FAM168A: variants seen among roughly 807,000 people sequenced by gnomAD.
The protein encoded by FAM168A is protein FAM168A.
In FAM168A, 3 loss-of-function variants were observed where a neutral mutation model predicts 28.5. That is an observed-to-expected ratio of 0.11 (90% CI 0.05 to 0.27). The LOEUF is 0.27. Among genes scored for constraint, FAM168A ranks in the 10% least tolerant of loss-of-function variants. FAM168A has a pLI of 1.00. For synonymous variants in FAM168A, 122 were observed against 124.2 expected, an observed-to-expected ratio of 0.98 and a Z score of 0.12; for missense variants, 222 against 311.5, an observed-to-expected ratio of 0.71 and a Z score of 2.16.
chr11:73,461,892 G>A (rs1867652785), intron 2 of FAM168A, among the ~76,000 whole-genome samples: 1 of 151,938 alleles, frequency 6.6e-6, no homozygotes, highest in Admixed American at 6.6e-5. Flanking sequence ...GGTAAAGGAG[G>A]TTTTTTAAAA....
chr11:73,422,601 A>C (rs1164720519), intron 3 of FAM168A, among the ~76,000 whole-genome samples: 4 of 152,242 alleles, frequency 2.6e-5, no homozygotes, highest in Admixed American at 2.0e-4. Flanking sequence ...ATGGTCACAG[A>C]GGAGGCTGCT....
chr11:73,519,796 G>A (rs79101123), intron 1 of FAM168A, among the ~76,000 whole-genome samples: 5,903 of 151,440 alleles, frequency 0.039, 398 homozygotes, highest in African/African-American at 0.14. Flanking sequence ...GTGTGTGTGC[G>A]TGTGCGTTTG....
At chr11:73,476,995 T>C (rs1026658609) in intron 1 of FAM168A, among the ~76,000 whole-genome samples, 1 of 151,120 alleles carries the variant, frequency 6.6e-6, no homozygotes, top group African/African-American at 2.4e-5. Flanking sequence ...GAAAGAAAAT[T>C]AGGTGGGAAA....
chr11:73,527,298 A>C (rs1438219708), intron 1 of FAM168A, among the ~76,000 whole-genome samples: 1 of 152,160 alleles, frequency 6.6e-6, no homozygotes, highest in African/African-American at 2.4e-5. Context: ...ACTGCCCCTA[A>C]AGGAAATGAC....
intron 2 of FAM168A, among the ~76,000 whole-genome samples, chr11:73,465,388 T>C (rs561921090): frequency 2.0e-5 from 3 of 151,998 alleles, no homozygotes; most frequent in Non-Finnish European, 2.9e-5. Context: ...GAAAAAGAAA[T>C]GCCCTGGTCT....
chr11:73,493,098 C>T (rs1187953766), intron 1 of FAM168A, among the ~76,000 whole-genome samples: 1 of 151,944 alleles, frequency 6.6e-6, no homozygotes, highest in Non-Finnish European at 1.5e-5. Flanking sequence ...CAGGATCATT[C>T]ATACACCAAA....
At chr11:73,459,080 T>TTTTG (rs1424772627) in intron 2 of FAM168A, among the ~76,000 whole-genome samples, 1 of 151,996 alleles carries the variant, frequency 6.6e-6, no homozygotes, top group African/African-American at 2.4e-5. Context: ...TCAAACTTTG[T>TTTTG]TTTTGTTTTG....
chr11:73,463,736 G>C (rs1335043275), intron 2 of FAM168A, among the ~76,000 whole-genome samples: 2 of 152,088 alleles, frequency 1.3e-5, no homozygotes, highest in Non-Finnish European at 1.5e-5. Flanking sequence ...AAACAATTAT[G>C]GTCAATGAAA....
At chr11:73,510,947 G>GT (rs1408946342) in intron 1 of FAM168A, 1 of 230,720 alleles carries the variant, frequency 4.3e-6, no homozygotes, top group African/African-American at 2.3e-5. Flanking sequence ...GAATGCATCT[G>GT]TTGCTAGGAG....
chr11:73,502,544 C>G (rs936106777), intron 1 of FAM168A, among the ~76,000 whole-genome samples: 1 of 152,138 alleles, frequency 6.6e-6, no homozygotes, highest in East Asian at 1.9e-4. Context: ...CACGGATTTA[C>G]AGCCGAATTC....
chr11:73,560,651 A>G (rs577322320), intron 1 of FAM168A, among the ~76,000 whole-genome samples: 3 of 152,252 alleles, frequency 2.0e-5, no homozygotes, highest in Non-Finnish European at 4.4e-5. Context: ...GCTAAATTTA[A>G]ACAGTGATAA....
In FAM168A at chr11:73,583,821, G is replaced by C. The variant is rs80036628; in HGVS notation, c.-19+14102C>G. On this transcript the variant is annotated intron_variant, in intron 1 of 7. Transcript: ENST00000356467. ...AGGAGGAGAGACAATAAATGACAATGGTGAAGAAGTTGGGGAGAGGATCTT... is the reference window on the plus strand; with the variant it reads ...AGGAGGAGAGACAATAAATGACAATCGTGAAGAAGTTGGGGAGAGGATCTT... Among the ~76,000 whole-genome samples, 904 of 152,284 alleles carry C rather than the reference G, an allele frequency of 5.9e-3. 7 individuals carry two copies. The highest frequency in any genetic ancestry group is 0.021 in the African/African-American group (853 of 41,558).
intron 2 of FAM168A, among the ~76,000 whole-genome samples, chr11:73,445,428 T>C (rs1415195762): frequency 1.9e-5 from 2 of 106,890 alleles, no homozygotes; most frequent in African/African-American, 1.0e-4. Context: ...TCTTTTTTTT[T>C]TTTTTTTTTT....
chr11:73,577,025 A>G (rs1352431923), intron 1 of FAM168A, among the ~76,000 whole-genome samples: 1 of 152,194 alleles, frequency 6.6e-6, no homozygotes, highest in Non-Finnish European at 1.5e-5. Flanking sequence ...ACAGACTTGA[A>G]TGGGAAACCT....
chr11:73,543,102 C>T (rs1458104193), intron 1 of FAM168A, among the ~76,000 whole-genome samples: 1 of 152,072 alleles, frequency 6.6e-6, no homozygotes, highest in Non-Finnish European at 1.5e-5. Flanking sequence ...AGCTCCTACC[C>T]TTTCAATCAC....
chr11:73,566,348 T>C (rs961029174), intron 1 of FAM168A, among the ~76,000 whole-genome samples: 4 of 152,206 alleles, frequency 2.6e-5, no homozygotes, highest in African/African-American at 4.8e-5. Flanking sequence ...CTGCCTTCCC[T>C]CCAAATGTAA....
At chr11:73,477,017 T>C (rs1867897508) in intron 1 of FAM168A, among the ~76,000 whole-genome samples, 1 of 151,996 alleles carries the variant, frequency 6.6e-6, no homozygotes, top group South Asian at 2.1e-4. Context: ...ATGGGAATAC[T>C]ATGCCATTAA....
chr11:73,543,262 C>CT (rs58715872), intron 1 of FAM168A, among the ~76,000 whole-genome samples: 24,167 of 111,906 alleles, frequency 0.22, 3,170 homozygotes, highest in African/African-American at 0.29. Context: ...ATTAATTGTT[C>CT]TTTTTTTTTT....
chr11:73,420,523 G>A (rs954541173), intron 3 of FAM168A, among the ~76,000 whole-genome samples: 1 of 152,220 alleles, frequency 6.6e-6, no homozygotes, highest in South Asian at 2.1e-4. Flanking sequence ...CTGTGGCCAT[G>A]GTAGCTTAAA....
Sources: allele counts gnomAD v4.1 joint callset (sites outside exome capture counted in the v4.1 genomes callset), GRCh38; gene constraint gnomAD v4.1.1; transcripts MANE v1.5; gene names NCBI Gene and HGNC (gene_info 2026-07-23, HGNC 2026-07-21).